SYNPO: variants seen among roughly 807,000 people sequenced by gnomAD.
SYNPO encodes the protein synaptopodin.
In SYNPO, 19 loss-of-function variants were observed where a neutral mutation model predicts 49.5. The ratio of observed to expected loss-of-function variants is 0.38; its 90% CI spans 0.27 to 0.56. The LOEUF is 0.56. SYNPO is among the 20% of genes least tolerant of loss of function. SYNPO has a pLI of 0.68. For missense variants in SYNPO, 1,131 were observed against 1,248.3 expected (o/e 0.91, Z 1.42); for synonymous variants, 536 against 548.0 (o/e 0.98, Z 0.31).
chr5:150,600,962 C>T (rs35061439), upstream of SYNPO: 50,781 of 151,924 alleles, frequency 0.33, 8,926 homozygotes, highest in Middle Eastern at 0.49. Context: ...ATCCCATATG[C>T]TCGGAAACAA....
rs754284257 is a variant in SYNPO, at chr5:150,648,228, C to T, written c.-48C>T. 37 of 1,610,928 alleles carry T rather than the reference C, an allele frequency of 2.3e-5. No individual in the cohort carries two copies. The highest frequency in any genetic ancestry group is 1.9e-4 in the Admixed American group (11 of 59,312). ...CTCGCTGCCGGAGCCAGGCCCTCCA[C>T]GGCACCCCAGTCCCCAGAGCCCCGA... On this transcript the variant is annotated 5_prime_UTR_variant, in exon 2 of 3. In the 5' UTR this introduces an upstream ATG that the reference lacks. Coordinates refer to ENST00000307662, the MANE Select transcript of SYNPO (RefSeq NM_007286.6). The surrounding 1 kb of genome is among the most constrained non-coding windows in gnomAD (Gnocchi z 5.0).
intron 1 of SYNPO, among the ~76,000 whole-genome samples, chr5:150,641,790 G>T (rs1757919475): frequency 6.6e-6 from 1 of 152,224 alleles, no homozygotes; most frequent in Non-Finnish European, 1.5e-5. Context: ...GGAAGAAGTG[G>T]AAGAAAGAAG....
intron 1 of SYNPO, among the ~76,000 whole-genome samples, chr5:150,644,192 A>G (rs1429545098): frequency 6.7e-6 from 1 of 148,792 alleles, no homozygotes; most frequent in Non-Finnish European, 1.5e-5. Flanking sequence ...AAAAAAAGTG[A>G]TTGGAAGTGA....
intron 2 of SYNPO, among the ~76,000 whole-genome samples, chr5:150,625,810 G>T (rs1169341016): frequency 1.3e-5 from 2 of 152,208 alleles, no homozygotes; most frequent in East Asian, 3.9e-4. Flanking sequence ...GGTCCAGGTT[G>T]TCTGGAAGGG....
the SYNPO span, among the ~76,000 whole-genome samples, chr5:150,591,960 G>T: frequency 6.6e-6 from 1 of 152,232 alleles, no homozygotes; most frequent in Non-Finnish European, 1.5e-5. Flanking sequence ...GAGGTCAGGA[G>T]TTCGAGACCA....
chr5:150,586,063 T>C, the SYNPO span, among the ~76,000 whole-genome samples: 3 of 152,224 alleles, frequency 2.0e-5, no homozygotes, highest in Non-Finnish European at 4.4e-5. Context: ...TCAGGATTCA[T>C]TGGCATCAGG....
At chr5:150,596,859 T>C (rs1298996719), upstream of SYNPO, among the ~76,000 whole-genome samples, 2 of 152,160 alleles carry the variant, frequency 1.3e-5, no homozygotes, top group African/African-American at 4.8e-5. Flanking sequence ...GGGAAGATAG[T>C]GTATGCATTT....
exon 2 of SYNPO, chr5:150,618,308 C>A: frequency 1.3e-6 from 2 of 1,498,396 alleles, no homozygotes; most frequent in Non-Finnish European, 1.8e-6. Flanking sequence ...TGGCCCCAGC[C>A]CAGGCCCTGG....
chr5:150,590,672 T>G, the SYNPO span, among the ~76,000 whole-genome samples: 1 of 152,192 alleles, frequency 6.6e-6, no homozygotes, highest in African/African-American at 2.4e-5. Context: ...AAGCCTCAGC[T>G]TTTTCCTCTC....
In SYNPO at chr5:150,651,287, G is replaced by A. The variant is rs375347562; in HGVS notation, c.2028+984G>A. ...CGGGGCCCAGGGGGAGGCAGGAGAG[G>A]AGGGTTCCGGTCCCATGTCACCTTC... On this transcript the variant is annotated intron_variant, in intron 2 of 2. Coordinates refer to ENST00000307662, the MANE Select transcript of SYNPO (RefSeq NM_007286.6). The A allele has an allele frequency of 4.3e-5, 43 of 1,001,166 alleles. No individual in the cohort carries two copies. In the African/African-American group the frequency reaches 7.1e-4, roughly 17 times the overall value. The allele number at this position is 1,001,166 out of a possible 1,614,324, so 62.0% of individuals were successfully genotyped here.
chr5:150,595,371 C>T, the SYNPO span, among the ~76,000 whole-genome samples: 3 of 152,266 alleles, frequency 2.0e-5, no homozygotes, highest in Non-Finnish European at 4.4e-5. Context: ...CCACCCTTCC[C>T]TGTTCTTCCC....
chr5:150,619,036 TA>T (rs575017152), intron 2 of SYNPO, among the ~76,000 whole-genome samples: 8,134 of 141,058 alleles, frequency 0.058, 478 homozygotes, highest in African/African-American at 0.15. Context: ...CTTGCTTGGC[TA>T]AAAAAAAAAA....
At chr5:150,628,067 G>C (rs377008614) in intron 2 of SYNPO, among the ~76,000 whole-genome samples, 1 of 126,682 alleles carries the variant, frequency 7.9e-6, no homozygotes, top group African/African-American at 3.0e-5. Flanking sequence ...TGTGTGTGTG[G>C]TCAGAGTCTT....
At position 150,656,461 on chromosome 5, in the gene SYNPO, C is replaced by T. The variant is rs1197090343; in HGVS notation, c.2086C>T (p.Pro696Ser). The T allele has an allele frequency of 5.2e-6, 8 of 1,532,900 alleles. No homozygotes were observed. In the East Asian group the frequency reaches 1.7e-4, roughly 33 times the overall value. 95.0% of individuals were successfully genotyped at this position (1,532,900 alleles called of 1,614,324 possible). Residue 696 changes from proline (P) to serine (S), a missense_variant, in exon 3 of 3, where the codon CCC becomes TCC. Coordinates refer to ENST00000307662, the MANE Select transcript of SYNPO (RefSeq NM_007286.6). ...PPWTPGASRP[P>S]SSLDGWVSPG... ...CTGGACGCCGGGCGCGTCCCGGCCC[C>T]CCAGCAGCCTAGACGGCTGGGTGAG... is the stretch of plus-strand genomic sequence containing the variant.
At chr5:150,634,667 T>A (rs545041958) in intron 2 of SYNPO, among the ~76,000 whole-genome samples, 6 of 152,026 alleles carry the variant, frequency 3.9e-5, no homozygotes, top group South Asian at 2.1e-4. Context: ...AAAATTTTTT[T>A]AAAATTAGCC....
chr5:150,650,251 A>G lies in SYNPO; in HGVS notation c.1976A>G (p.Lys659Arg). Residue 659 changes from lysine (K) to arginine (R), a missense_variant, in exon 2 of 3, where the codon AAG (lysine) becomes AGG (arginine). Lys to Arg is a conservative substitution (Grantham distance 26, BLOSUM62 2). This residue lies in a region of SYNPO where 509 missense variants were observed against 484.5 expected (regional missense o/e 1.05). Transcript: ENST00000307662. ...TCCAGGGCGTGGTCTCCCCGAGCCA[A>G]GCAGGCCCCCAGGCCCTCCTTCTCT... ...SPSRAWSPRA[K>R]QAPRPSFSTR... 6.2e-7 allele frequency: 1 copy of G among 1,614,040 alleles called. No homozygotes were observed. The highest frequency in any genetic ancestry group is 1.1e-5 in the South Asian group (1 of 91,082).
At chr5:150,627,304 A>G (rs1184802586) in intron 2 of SYNPO, among the ~76,000 whole-genome samples, 1 of 152,142 alleles carries the variant, frequency 6.6e-6, no homozygotes, top group Admixed American at 6.5e-5. Flanking sequence ...AGCAGGATAG[A>G]TCTGCTGAGG....
upstream of SYNPO, among the ~76,000 whole-genome samples, chr5:150,636,695 C>A (rs964591390): frequency 1.3e-5 from 2 of 152,028 alleles, no homozygotes; most frequent in African/African-American, 4.8e-5. Flanking sequence ...CAGCAGCCTC[C>A]AGCACCCCAG....
chr5:150,647,830 A>G, intron 1 of SYNPO, 114 bp from the exon 2 acceptor site: 1 of 952,930 alleles, frequency 1.0e-6, no homozygotes, highest in Non-Finnish European at 1.5e-6. Flanking sequence ...TAAATTCCAG[A>G]AGAGATCCTG....
Sources: allele counts gnomAD v4.1 joint callset (sites outside exome capture counted in the v4.1 genomes callset), GRCh38; gene constraint gnomAD v4.1.1; regional missense constraint gnomAD v4.1.1; non-coding constraint Gnocchi (gnomAD v3.1); transcripts MANE v1.5; gene names NCBI Gene and HGNC (gene_info 2026-07-23, HGNC 2026-07-21).